The following PTPN4 variants were observed in gnomAD, a reference collection of about 807,000 sequenced individuals.
PTPN4 encodes tyrosine-protein phosphatase non-receptor type 4.
PTPN4 carries 49 observed loss-of-function variants against 135.5 expected under a neutral mutation model. The ratio of observed to expected loss-of-function variants is 0.36; its 90% confidence interval spans 0.29 to 0.46. The LOEUF (loss-of-function observed/expected upper bound fraction) is 0.46, where lower values mean the gene tolerates loss of function less well. PTPN4 is among the 20% of genes least tolerant of loss of function. The pLI is 1.00. For missense variants in PTPN4, 860 were observed against 1,101.0 expected, an observed-to-expected ratio of 0.78 and a Z score of 3.10; for synonymous variants, 333 against 369.9, an observed-to-expected ratio of 0.90 and a Z score of 1.14.
intron 2 of PTPN4, among the ~76,000 whole-genome samples, chr2:119,861,672 G>GGCAT (rs1241367151): frequency 6.6e-6 from 1 of 152,074 alleles, no homozygotes; most frequent in African/African-American, 2.4e-5. Flanking sequence ...GTTTGCCCAT[G>GGCAT]GCATGTCATT....
intron 20 of PTPN4, among the ~76,000 whole-genome samples, 162 bp downstream of exon 20, chr2:119,955,485 G>T (rs540563735): frequency 1.3e-5 from 2 of 152,154 alleles, no homozygotes; most frequent in Admixed American, 6.5e-5. Flanking sequence ...TTTAAAAATT[G>T]CTCCCAAAAT....
At chr2:119,805,188 C>T (rs1310527348) in intron 1 of PTPN4, among the ~76,000 whole-genome samples, 4 of 151,934 alleles carry the variant, frequency 2.6e-5, no homozygotes, top group Non-Finnish European at 5.9e-5. Context: ...GGATATTAGC[C>T]CTTCGTAGAT....
chr2:119,779,729 C>T (rs755295949), intron 1 of PTPN4, among the ~76,000 whole-genome samples: 2 of 151,642 alleles, frequency 1.3e-5, no homozygotes, highest in Non-Finnish European at 2.9e-5. Flanking sequence ...AGTATAAAAG[C>T]AGAATTTGAA....
At chr2:119,770,074 A>T (rs1690707123) in intron 1 of PTPN4, among the ~76,000 whole-genome samples, 1 of 152,216 alleles carries the variant, frequency 6.6e-6, no homozygotes, top group African/African-American at 2.4e-5. Flanking sequence ...CTTTAGAGGG[A>T]AATCCAATCC....
chr2:119,844,240 C>T (rs1410975101), intron 2 of PTPN4, among the ~76,000 whole-genome samples: 1 of 138,446 alleles, frequency 7.2e-6, no homozygotes. Flanking sequence ...GGCAGAGGCG[C>T]CCCTCACCTC....
At chr2:119,851,775 A>C (rs1677596687) in intron 2 of PTPN4, among the ~76,000 whole-genome samples, 1 of 152,144 alleles carries the variant, frequency 6.6e-6, no homozygotes, top group South Asian at 2.1e-4. Context: ...ACAGCTGTAG[A>C]TTATCAGGAG....
intron 18 of PTPN4, among the ~76,000 whole-genome samples, chr2:119,950,736 A>G (rs763232894): frequency 2.0e-5 from 3 of 152,080 alleles, no homozygotes; most frequent in Non-Finnish European, 2.9e-5. Context: ...TTTCATTGCT[A>G]TGTTCCCAGA....
chr2:119,947,697 A>G (rs1287429738), intron 18 of PTPN4, among the ~76,000 whole-genome samples: 2 of 151,754 alleles, frequency 1.3e-5, no homozygotes, highest in African/African-American at 4.8e-5. Flanking sequence ...CCAGATAAAC[A>G]CTCCAGTCTA....
intron 19 of PTPN4, among the ~76,000 whole-genome samples, chr2:119,954,371 CTTT>C (rs910587848): frequency 1.2e-4 from 18 of 152,268 alleles, no homozygotes; most frequent in African/African-American, 4.1e-4. Context: ...TTCTATACCA[CTTT>C]TTTTCAAACC....
intron 1 of PTPN4, among the ~76,000 whole-genome samples, chr2:119,777,435 A>G (rs925222654): frequency 4.6e-5 from 7 of 152,132 alleles, no homozygotes; most frequent in Non-Finnish European, 4.4e-5. Flanking sequence ...ATTATAATGG[A>G]AGCTCCATGA....
intron 10 of PTPN4, among the ~76,000 whole-genome samples, chr2:119,906,614 A>C (rs1327905840): frequency 6.6e-6 from 1 of 152,202 alleles, no homozygotes; most frequent in African/African-American, 2.4e-5. Context: ...AAAATTCAAC[A>C]TCCCTTCATG....
chr2:119,820,867 AGCT>A (rs1677055667), intron 2 of PTPN4, among the ~76,000 whole-genome samples: 2 of 114,156 alleles, frequency 1.8e-5, no homozygotes, highest in African/African-American at 3.3e-5. Flanking sequence ...ATATATACAC[AGCT>A]TTACATACAC....
intron 2 of PTPN4, among the ~76,000 whole-genome samples, chr2:119,813,925 C>G (rs372104121): frequency 1.2e-4 from 18 of 151,940 alleles, no homozygotes; most frequent in African/African-American, 4.4e-4. Flanking sequence ...TTTAAGGAGT[C>G]AGAGATGATG....
At chr2:119,929,884 A>G (rs17611296) in intron 13 of PTPN4, among the ~76,000 whole-genome samples, 5,875 of 152,258 alleles carry the variant, frequency 0.039, 165 homozygotes, top group Non-Finnish European at 0.056. Context: ...GCTTTTAGAA[A>G]ATGAAAGTAG....
At chr2:119,767,972 G>A (rs1170500853) in intron 1 of PTPN4, among the ~76,000 whole-genome samples, 2 of 152,132 alleles carry the variant, frequency 1.3e-5, no homozygotes, top group South Asian at 2.1e-4. Context: ...CTGTAACCAC[G>A]AGCCTTCAGG....
intron 1 of PTPN4, among the ~76,000 whole-genome samples, chr2:119,776,426 G>A (rs186080259): frequency 9.9e-4 from 150 of 152,200 alleles, no homozygotes; most frequent in East Asian, 2.5e-3. Flanking sequence ...CGCCCTCCTC[G>A]GCCTCCCAAA....
At chr2:119,765,935 C>T (rs72836807) in intron 1 of PTPN4, among the ~76,000 whole-genome samples, 15 of 44,722 alleles carry the variant, frequency 3.4e-4, no homozygotes, top group Admixed American at 8.5e-4. Context: ...TGTGTGTGTG[C>T]GCGCGCGCAT....
chr2:119,958,410 C>T (rs766488309), intron 22 of PTPN4, among the ~76,000 whole-genome samples: 3 of 151,310 alleles, frequency 2.0e-5, no homozygotes, highest in Admixed American at 6.6e-5. Context: ...ATGCAAATGA[C>T]ATTTTTAATA....
rs1238875051 is a variant in PTPN4, at chr2:119,956,871, A to T, written c.2008A>T (p.Thr670Ser). ...ACTGTATCGGAAAAAACCTGGAATG[A>T]CAATGTCCTGTGCCAAATTACCTCA... ...DQLYRKKPGM[T>S]MSCAKLPQNI... The change falls in exon 21 of 27, where the codon ACA (threonine) becomes TCA (serine). Residue 670 changes from threonine to serine, a missense_variant. Thr to Ser is a moderately conservative substitution (Grantham distance 58). Around this residue, in one of 2 missense-constraint regions of PTPN4, gnomAD observed 684 missense variants for 807.0 expected, o/e 0.85. Coordinates refer to ENST00000263708, the MANE Select transcript of PTPN4 (RefSeq NM_002830.4). The T allele has an allele frequency of 1.9e-6, 3 of 1,602,152 alleles. No homozygotes were observed. The South Asian group carries it at 3.4e-5, about 18-fold the overall frequency.
Sources: allele counts gnomAD v4.1 joint callset (sites outside exome capture counted in the v4.1 genomes callset), GRCh38; gene constraint gnomAD v4.1.1; regional missense constraint gnomAD v4.1.1; transcripts MANE v1.5; gene names NCBI Gene and HGNC (gene_info 2026-07-23, HGNC 2026-07-21).